The following NAV1 variants were observed in gnomAD, a reference collection of about 807,000 sequenced individuals.
NAV1 encodes the protein pore membrane and/or filament interacting like protein 3.
A neutral mutation model predicts 175.2 loss-of-function variants in NAV1; 18 were observed. That is an observed-to-expected ratio of 0.10 (90% confidence interval 0.07 to 0.15). The LOEUF is 0.15. Ranked by LOEUF, NAV1 falls within the 10% of genes least tolerant of loss-of-function variation. NAV1 has a pLI of 1.00. For synonymous variants in NAV1, 897 were observed against 978.7 expected (o/e 0.92, Z 1.56); for missense variants, 1,731 against 2,436.6 (o/e 0.71, Z 6.10).
chr1:201,682,535 A>T (rs1412827030), intron 1 of NAV1, among the ~76,000 whole-genome samples: 1 of 152,048 alleles, frequency 6.6e-6, no homozygotes, highest in East Asian at 1.9e-4. Context: ...TCTACTACAT[A>T]TTGTAGTTCT....
chr1:201,811,789 C>T (rs569072478), intron 25 of NAV1, 32 bp downstream of exon 29: 61 of 1,603,334 alleles, frequency 3.8e-5, no homozygotes, highest in African/African-American at 5.3e-5. Flanking sequence ...CAAAATTCAT[C>T]GAAGTGGGAG....
At chr1:201,730,298 A>G (rs1310289027) in intron 3 of NAV1, among the ~76,000 whole-genome samples, 2 of 152,248 alleles carry the variant, frequency 1.3e-5, no homozygotes, top group Middle Eastern at 3.2e-3. Context: ...ACAAGTGAAG[A>G]AATTGGAACT....
intron 2 of NAV1, among the ~76,000 whole-genome samples, chr1:201,611,711 C>G (rs188176440): frequency 1.3e-5 from 2 of 152,160 alleles, no homozygotes; most frequent in Non-Finnish European, 2.9e-5. Context: ...GCCCAAGGTA[C>G]GGGTGTTGGG....
chr1:201,794,023 A>G (rs1466314970), intron 14 of NAV1, 148 bp downstream of exon 18: 4 of 729,464 alleles, frequency 5.5e-6, no homozygotes, highest in Middle Eastern at 4.6e-4. Flanking sequence ...CTGCCCCCCA[A>G]TACAGTGTGA....
chr1:201,753,799 G>A lies in NAV1; in HGVS notation c.1227-26622G>A, dbSNP rs147149557. On this transcript the variant is annotated intron_variant, in intron 3 of 29. Coordinates refer to ENST00000367296, the Ensembl canonical transcript of NAV1. The stretch of plus-strand genomic sequence containing the variant: ...AGAAACACACTGGGGGTTACATAAA[G>A]GGCTAGCTTCTGTTTGGTGGGTAAA... Among the ~76,000 whole-genome samples, 1,330 of 152,328 alleles carry A rather than the reference G, an allele frequency of 8.7e-3. 16 individuals carry two copies. Among genetic ancestry groups the A allele is most frequent in the African/African-American group, 0.03 (1,257 of 41,576 alleles).
At chr1:201,672,259 T>A (rs1670070901) in intron 1 of NAV1, among the ~76,000 whole-genome samples, 1 of 152,378 alleles carries the variant, frequency 6.6e-6, no homozygotes, top group South Asian at 2.1e-4. Flanking sequence ...TTTAAGTTTT[T>A]TGTATGTGTG....
rs543920978 is a variant in NAV1 at position 201,605,087 on chromosome 1, G to A, written c.-33+16438G>A. 6.0e-5 allele frequency among the ~76,000 whole-genome samples: 9 copies of A among 151,030 alleles called. No individual in the cohort carries two copies. In the South Asian group the frequency reaches 1.7e-3, roughly 28 times the overall value. On this transcript the variant is annotated intron_variant, in intron 2 of 33. Transcript: ENST00000685211. ...AGGGCACCCTAGCACATACACAAAC[G>A]ATGACCCAGCACCAGGGAGGTTGCT...
intron 1 of NAV1, among the ~76,000 whole-genome samples, chr1:201,583,987 A>G (rs1169654817): frequency 6.6e-6 from 1 of 152,158 alleles, no homozygotes; most frequent in African/African-American, 2.4e-5. Flanking sequence ...AAATTAAAGA[A>G]TCCAACTGGA....
At chr1:201,721,259 A>G (rs1230152951) in intron 3 of NAV1, among the ~76,000 whole-genome samples, 4 of 152,242 alleles carry the variant, frequency 2.6e-5, no homozygotes, top group African/African-American at 9.6e-5. Context: ...TTTCACATGC[A>G]TTTTTTATGG....
At chr1:201,715,709 A>T (rs989379442) in intron 2 of NAV1, among the ~76,000 whole-genome samples, 2 of 152,210 alleles carry the variant, frequency 1.3e-5, no homozygotes, top group Non-Finnish European at 2.9e-5. Context: ...CTCGGAGCTT[A>T]TGGTCCAGTG....
At chr1:201,686,880 G>C (rs768815551) in intron 1 of NAV1, among the ~76,000 whole-genome samples, 4 of 152,188 alleles carry the variant, frequency 2.6e-5, no homozygotes, top group Non-Finnish European at 5.9e-5. Context: ...ACAGGAGGAG[G>C]CTCACTTTTG....
chr1:201,743,525 G>A (rs1673566722), intron 3 of NAV1, among the ~76,000 whole-genome samples: 1 of 152,128 alleles, frequency 6.6e-6, no homozygotes, highest in African/African-American at 2.4e-5. Context: ...TACCTTACTG[G>A]GATGTAATGA....
chr1:201,803,073 A>G (rs1678045093), intron 15 of NAV1, among the ~76,000 whole-genome samples: 1 of 152,212 alleles, frequency 6.6e-6, no homozygotes, highest in African/African-American at 2.4e-5. Flanking sequence ...TAGAAAAGTA[A>G]GATTATTTTT....
rs78338226 is a variant in NAV1 at position 201,752,238 on chromosome 1, C to T, written c.1227-28183C>T. Among the ~76,000 whole-genome samples the T allele has an allele frequency of 2.4e-3, 359 of 152,332 alleles. 8 individuals are homozygous for T. The East Asian group carries it at 0.052, about 22-fold the overall frequency. ...TAAAAATTACAAAGCCCTCCAAGGC[C>T]GGATCACTGATCCCCCCCATGGTGA... On this transcript the variant is annotated intron_variant, in intron 3 of 29. Coordinates refer to ENST00000367296, the Ensembl canonical transcript of NAV1.
At chr1:201,542,386 T>A (rs1303400602) in intron 1 of NAV1, among the ~76,000 whole-genome samples, 1 of 152,174 alleles carries the variant, frequency 6.6e-6, no homozygotes, top group African/African-American at 2.4e-5. Flanking sequence ...TGGCAAACAC[T>A]TCGTCTTTCT....
rs1381198557 is a variant in NAV1 at position 201,787,368 on chromosome 1, A to T, written c.2995+791A>T. Among the ~76,000 whole-genome samples, 1 of 152,224 alleles carries T rather than the reference A, an allele frequency of 6.6e-6. No individual in the cohort carries two copies. The highest frequency in any genetic ancestry group is 1.5e-5 in the Non-Finnish European group (1 of 68,040). ...TGAGTAAAAGAAATCAGTTAATAAA[A>T]GACAAGGACCTGTAACACACCCATG... On this transcript the variant is annotated intron_variant, in intron 9 of 29. Transcript: ENST00000367296. This position sits in a 1 kb window ranked among gnomAD's most constrained non-coding sequence, Gnocchi z 4.3.
In NAV1 at chr1:201,813,974, G is replaced by A. The variant is rs80173048; in HGVS notation, c.5340+716G>A. Among the ~76,000 whole-genome samples the A allele has an allele frequency of 0.054, 8,243 of 152,158 alleles. 770 individuals carry two copies. The highest frequency in any genetic ancestry group is 0.19 in the African/African-American group (7,845 of 41,484). ...TGGAAGGCTGAGGCAGGAGAATGGC[G>A]TGAACTCGGGAGGCAAGAGCTTGCA... On this transcript the variant is annotated intron_variant, in intron 28 of 29. Coordinates refer to ENST00000367296, the Ensembl canonical transcript of NAV1. This position sits in a 1 kb window ranked among gnomAD's most constrained non-coding sequence, Gnocchi z 4.2.
chr1:201,822,795 C>T (rs564968396), exon 30 of NAV1: 1 of 152,802 alleles, frequency 6.5e-6, no homozygotes, highest in African/African-American at 2.4e-5. Context: ...CACATCTGGG[C>T]CCCTCACTGT....
At chr1:201,651,805 G>A (rs2102337964) in intron 1 of NAV1, among the ~76,000 whole-genome samples, 1 of 152,228 alleles carries the variant, frequency 6.6e-6, no homozygotes, top group South Asian at 2.1e-4. Context: ...GGGGTGGGGA[G>A]AGAAGGGTGG....
Sources: allele counts gnomAD v4.1 joint callset (sites outside exome capture counted in the v4.1 genomes callset), GRCh38; gene constraint gnomAD v4.1.1; non-coding constraint Gnocchi (gnomAD v3.1); transcripts MANE v1.5; gene names NCBI Gene and HGNC (gene_info 2026-07-23, HGNC 2026-07-21).